Variants in CYP19A1 observed in about 807,000 individuals in gnomAD.
CYP19A1 encodes aromatase.
Under a neutral mutation model 44.4 loss-of-function variants are expected in CYP19A1, and 32 were observed. The observed-to-expected ratio is 0.72, with a 90% CI of 0.54 to 0.97. The LOEUF is 0.97. Among genes scored for constraint, CYP19A1 ranks in the 50% least tolerant of loss-of-function variants. CYP19A1 has a pLI of 0.00. For synonymous variants in CYP19A1, 212 were observed against 215.6 expected (o/e 0.98, Z 0.14); for missense variants, 598 against 637.8 (o/e 0.94, Z 0.67).
chr15:51,328,290 T>C (rs1416261850), intron 1 of CYP19A1, among the ~76,000 whole-genome samples: 1 of 152,240 alleles, frequency 6.6e-6, no homozygotes, highest in Non-Finnish European at 1.5e-5. Context: ...GATCCACCTA[T>C]GTATAAACAA....
chr15:51,215,079 T>C lies in CYP19A1; in HGVS notation c.1012A>G (p.Thr338Ala), dbSNP rs763202947. ...TTTGATAAATTCTTACCAATAACAG[T>C]CTGGATTTCCTTTATTATTGCCTCT... ...VEEAIIKEIQ[T>A]VIGERDIKID... Residue 338 changes from threonine to alanine, a missense_variant, in exon 8 of 10, where the codon ACT becomes GCT. Thr to Ala is a moderately conservative substitution (Grantham distance 58). Coordinates refer to ENST00000396402, the MANE Select transcript of CYP19A1 (RefSeq NM_000103.4). The C allele has an allele frequency of 1.2e-6, 2 of 1,613,650 alleles. No individual in the cohort carries two copies. Among genetic ancestry groups the C allele is most frequent in the Non-Finnish European group, 1.7e-6 (2 of 1,179,788 alleles).
chr15:51,266,196 T>C (rs2034912908), intron 1 of CYP19A1, among the ~76,000 whole-genome samples: 1 of 152,248 alleles, frequency 6.6e-6, no homozygotes, highest in Non-Finnish European at 1.5e-5. Flanking sequence ...AATGAACACA[T>C]GAGGATGTGT....
chr15:51,315,136 C>T (rs113904780), intron 1 of CYP19A1, among the ~76,000 whole-genome samples: 2 of 152,274 alleles, frequency 1.3e-5, no homozygotes, highest in South Asian at 4.2e-4. Flanking sequence ...CTCCAACAGG[C>T]CTTTCAAAGT....
chr15:51,211,732 T>C, intron 9 of CYP19A1: 1 of 416,794 alleles, frequency 2.4e-6, no homozygotes, highest in Non-Finnish European at 4.7e-6. Flanking sequence ...TAATTCAGAT[T>C]GAAAAACATA....
At chr15:51,248,056 C>G (rs572147749) in intron 1 of CYP19A1, among the ~76,000 whole-genome samples, 6 of 152,290 alleles carry the variant, frequency 3.9e-5, no homozygotes, top group African/African-American at 1.4e-4. Context: ...ACCTCAAACT[C>G]TCTAAGATTA....
chr15:51,243,269 A>G (rs1383563545), intron 1 of CYP19A1, among the ~76,000 whole-genome samples: 1 of 152,166 alleles, frequency 6.6e-6, no homozygotes, highest in Non-Finnish European at 1.5e-5. Context: ...ATTTCTTGCC[A>G]AATTATAAGA....
chr15:51,276,648 A>C (rs977101296), intron 1 of CYP19A1, among the ~76,000 whole-genome samples: 7 of 152,208 alleles, frequency 4.6e-5, no homozygotes, highest in Non-Finnish European at 8.8e-5. Context: ...ACAAACCTAT[A>C]TGCTTCTCTG....
At chr15:51,227,719 A>T (rs2032701819) in intron 4 of CYP19A1, 60 bp downstream of exon 4, 2 of 560,188 alleles carry the variant, frequency 3.6e-6, no homozygotes, top group Non-Finnish European at 3.2e-6. Context: ...TAAAAATATG[A>T]TTTCAAAAAA....
rs544038619 is a variant in CYP19A1, at chr15:51,246,133, A to G, written c.-38-3183T>C. Reference sequence around the variant, plus strand: ...CACATTGGTTTTCCTGTTCAGTGGAACATTCTAATGGGCCACGTGGGTAGG... The same window carrying G: ...CACATTGGTTTTCCTGTTCAGTGGAGCATTCTAATGGGCCACGTGGGTAGG... On this transcript the variant is annotated intron_variant, in intron 1 of 9. Transcript: ENST00000396402. Among the ~76,000 whole-genome samples, 106 of 152,322 alleles carry G rather than the reference A, an allele frequency of 7.0e-4. No homozygotes were observed. The Middle Eastern group carries it at 0.01, about 15-fold the overall frequency.
intron 8 of CYP19A1, among the ~76,000 whole-genome samples, chr15:51,214,564 G>T (rs2031374233): frequency 6.6e-6 from 1 of 152,232 alleles, no homozygotes; most frequent in Non-Finnish European, 1.5e-5. Context: ...TGCTATAAAT[G>T]ATAGACTATC....
chr15:51,330,087 C>T (rs192394219), intron 1 of CYP19A1, among the ~76,000 whole-genome samples: 1 of 152,062 alleles, frequency 6.6e-6, no homozygotes. Context: ...TGGCAAGGAG[C>T]AGGGAGGGAG....
chr15:51,272,458 G>A (rs1211108978), intron 1 of CYP19A1, among the ~76,000 whole-genome samples: 1 of 152,168 alleles, frequency 6.6e-6, no homozygotes, highest in East Asian at 1.9e-4. Flanking sequence ...CCACTCTATG[G>A]TGTTGGCCTC....
chr15:51,213,184 A>G (rs911447774), intron 8 of CYP19A1, among the ~76,000 whole-genome samples: 1 of 152,176 alleles, frequency 6.6e-6, no homozygotes, highest in Admixed American at 6.5e-5. Flanking sequence ...GTCCCTCTGC[A>G]TCTCATCAAG....
rs147160979 is a variant in CYP19A1 at position 51,218,645 on chromosome 15, G to A, written c.639C>T (p.Ile213=). The change falls in exon 6 of 10, where the codon ATC becomes ATT. Residue 213 remains isoleucine (I), a synonymous_variant. Coordinates refer to ENST00000396402, the MANE Select transcript of CYP19A1 (RefSeq NM_000103.4). ...FLRIPLDESA[I]VVKIQGYFDA... The stretch of plus-strand genomic sequence containing the variant: ...CAAAATAACCTTGGATTTTAACCAC[G>A]ATAGCACTTTCTGTAGGAAAAAAAA... The A allele has an allele frequency of 4.4e-5, 71 of 1,612,696 alleles. No homozygotes were observed. The African/African-American group carries it at 8.3e-4, about 19-fold the overall frequency.
At chr15:51,271,374 C>T (rs190783391) in intron 1 of CYP19A1, among the ~76,000 whole-genome samples, 44 of 152,304 alleles carry the variant, frequency 2.9e-4, no homozygotes, top group Non-Finnish European at 4.7e-4. Flanking sequence ...CTTGAAATTT[C>T]TAATAGTTTA....
intron 1 of CYP19A1, among the ~76,000 whole-genome samples, chr15:51,246,124 T>C (rs1011097319): frequency 6.6e-6 from 1 of 152,210 alleles, no homozygotes. Context: ...GGTTTTCCTG[T>C]TCAGTGGAAC....
chr15:51,272,213 C>T (rs1369785621), intron 1 of CYP19A1, among the ~76,000 whole-genome samples: 1 of 152,200 alleles, frequency 6.6e-6, no homozygotes, highest in Non-Finnish European at 1.5e-5. Context: ...CCTCGTATTT[C>T]TTCTCCAACC....
At chr15:51,236,179 G>C (rs982083314) in intron 3 of CYP19A1, among the ~76,000 whole-genome samples, 2 of 152,014 alleles carry the variant, frequency 1.3e-5, no homozygotes, top group Non-Finnish European at 2.9e-5. Context: ...CGGGATACTC[G>C]CATAAAGTCA....
At chr15:51,300,550 A>G (rs925082474) in intron 1 of CYP19A1, among the ~76,000 whole-genome samples, 1 of 152,152 alleles carries the variant, frequency 6.6e-6, no homozygotes, top group South Asian at 2.1e-4. Flanking sequence ...GAGAGTTTCA[A>G]AAAGAAGACC....
Sources: gnomAD v4.1 joint callset for allele counts (sites outside exome capture counted in the v4.1 genomes callset) on GRCh38, gnomAD v4.1.1 for gene constraint, MANE v1.5 for transcripts, NCBI Gene and HGNC (gene_info 2026-07-23, HGNC 2026-07-21) for gene names.